Variants in TMEM132D observed in about 807,000 individuals in gnomAD.
The protein encoded by TMEM132D is mature OL transmembrane protein.
TMEM132D carries 21 observed loss-of-function variants against 62.3 expected under a neutral mutation model. That is an observed-to-expected ratio of 0.34 (90% CI 0.24 to 0.49). TMEM132D has a LOEUF of 0.49. TMEM132D is among the 20% of genes least tolerant of loss of function. The probability of loss-of-function intolerance (pLI) is 0.99; values close to 1 mark genes in which losing one functional copy is unlikely to be tolerated. For missense variants in TMEM132D, 1,346 were observed against 1,402.8 expected (o/e 0.96, Z 0.65); for synonymous variants, 621 against 575.6 (o/e 1.08, Z -1.13).
At chr12:129,611,121 CCTT>C (rs1458792303) in intron 2 of TMEM132D, among the ~76,000 whole-genome samples, 1 of 152,122 alleles carries the variant, frequency 6.6e-6, no homozygotes, top group East Asian at 1.9e-4. Context: ...CTTTTTCTTC[CCTT>C]CTTTATTTTT....
intron 3 of TMEM132D, among the ~76,000 whole-genome samples, chr12:129,431,105 C>T (rs920762779): frequency 5.3e-5 from 8 of 152,324 alleles, no homozygotes; most frequent in Middle Eastern, 3.4e-3. Context: ...GCGGCTGCTA[C>T]GCATTGTTAT....
At chr12:129,099,824 T>A (rs10459116) in intron 5 of TMEM132D, among the ~76,000 whole-genome samples, 8 of 142,240 alleles carry the variant, frequency 5.6e-5, no homozygotes, top group South Asian at 4.2e-4. Context: ...TTATTTTTTT[T>A]ATTTTTATTT....
At chr12:129,213,801 C>T (rs1006828504) in intron 4 of TMEM132D, among the ~76,000 whole-genome samples, 2 of 152,148 alleles carry the variant, frequency 1.3e-5, no homozygotes, top group African/African-American at 4.8e-5. Context: ...CTCCCATGAC[C>T]CAAATACCTC....
chr12:129,318,872 T>C (rs1269332522), intron 4 of TMEM132D, among the ~76,000 whole-genome samples: 1 of 152,104 alleles, frequency 6.6e-6, no homozygotes, highest in Non-Finnish European at 1.5e-5. Context: ...TGGCTGCCTC[T>C]GCTGAGTCAC....
chr12:129,186,173 T>C (rs2135553609), intron 5 of TMEM132D, among the ~76,000 whole-genome samples: 1 of 152,286 alleles, frequency 6.6e-6, no homozygotes. Flanking sequence ...TCTCATCTAT[T>C]GACAGTGCAG....
chr12:129,648,858 T>TA (rs558907242), intron 2 of TMEM132D, among the ~76,000 whole-genome samples: 7 of 152,056 alleles, frequency 4.6e-5, no homozygotes, highest in Non-Finnish European at 8.8e-5. Flanking sequence ...TTTTCCTTTA[T>TA]AAAAAAATAT....
intron 4 of TMEM132D, among the ~76,000 whole-genome samples, chr12:129,226,427 G>T (rs866924644): frequency 1.3e-5 from 2 of 152,190 alleles, no homozygotes; most frequent in South Asian, 2.1e-4. Flanking sequence ...GGACAGGAAG[G>T]TTCTCATACC....
chr12:129,148,683 G>A (rs1876983316), intron 5 of TMEM132D, among the ~76,000 whole-genome samples: 2 of 152,166 alleles, frequency 1.3e-5, no homozygotes, highest in South Asian at 2.1e-4. Flanking sequence ...GCCTGTGTGT[G>A]GTTATTTGTT....
intron 4 of TMEM132D, among the ~76,000 whole-genome samples, chr12:129,294,806 A>G (rs563755479): frequency 8.4e-4 from 128 of 152,280 alleles, no homozygotes; most frequent in African/African-American, 2.9e-3. Flanking sequence ...TAGTTACCAA[A>G]TGATAATGTA....
intron 3 of TMEM132D, among the ~76,000 whole-genome samples, chr12:129,368,377 C>T (rs894930835): frequency 2.0e-5 from 3 of 152,102 alleles, no homozygotes; most frequent in African/African-American, 7.2e-5. Flanking sequence ...ATTCTCCATC[C>T]TTGTTTGAGC....
intron 3 of TMEM132D, among the ~76,000 whole-genome samples, chr12:129,414,409 A>G (rs1872056103): frequency 6.6e-6 from 1 of 152,214 alleles, no homozygotes; most frequent in Non-Finnish European, 1.5e-5. Flanking sequence ...CTTTGCAACT[A>G]GAAGGTCTTG....
At chr12:129,459,686 G>T (rs1248440015) in intron 3 of TMEM132D, among the ~76,000 whole-genome samples, 1 of 152,156 alleles carries the variant, frequency 6.6e-6, no homozygotes, top group Non-Finnish European at 1.5e-5. Flanking sequence ...AAGGATTCAT[G>T]AAATCATGGG....
At chr12:129,144,362 A>G (rs1876830924) in intron 5 of TMEM132D, among the ~76,000 whole-genome samples, 1 of 152,096 alleles carries the variant, frequency 6.6e-6, no homozygotes, top group African/African-American at 2.4e-5. Context: ...ATGATTTCTA[A>G]CTTGCTTTGG....
intron 2 of TMEM132D, among the ~76,000 whole-genome samples, chr12:129,667,314 C>A (rs1478998470): frequency 6.6e-6 from 1 of 152,092 alleles, no homozygotes; most frequent in East Asian, 1.9e-4. Context: ...TTGGTTTTCT[C>A]TTTTGAAGAC....
At chr12:129,188,762 G>GGAGAGAGA (rs569138938) in intron 5 of TMEM132D, among the ~76,000 whole-genome samples, 30 of 126,318 alleles carry the variant, frequency 2.4e-4, no homozygotes, top group African/African-American at 7.9e-4. Flanking sequence ...AGGGAGAGAG[G>GGAGAGAGA]GAGAGAGAGA....
rs537281217 is a variant in TMEM132D, at chr12:129,441,746, C to T, written c.1115+89313G>A. 1.7e-3 allele frequency among the ~76,000 whole-genome samples: 266 copies of T among 152,162 alleles called. 1 individual carries two copies. The highest frequency in any genetic ancestry group is 5.0e-3 in the African/African-American group (207 of 41,508). On this transcript the variant is annotated intron_variant, in intron 3 of 8. Coordinates refer to ENST00000422113, the MANE Select transcript of TMEM132D (RefSeq NM_133448.3). Reference sequence around the variant, plus strand: ...CTACGGAACCGACCCAGGTACCCAGCAACAGTGGAGTAAATAAAGAAAATG... The same window carrying T: ...CTACGGAACCGACCCAGGTACCCAGTAACAGTGGAGTAAATAAAGAAAATG...
chr12:129,814,845 T>G (rs1565995406), intron 1 of TMEM132D, among the ~76,000 whole-genome samples: 1 of 152,092 alleles, frequency 6.6e-6, no homozygotes, highest in Non-Finnish European at 1.5e-5. Flanking sequence ...GCCTTTCTCC[T>G]GCTATCCATT....
chr12:129,467,872 G>A lies in TMEM132D; in HGVS notation c.1115+63187C>T, dbSNP rs191240391. Among the ~76,000 whole-genome samples, 151 of 152,272 alleles carry A rather than the reference G, an allele frequency of 9.9e-4. 2 individuals carry two copies. Among genetic ancestry groups the A allele is most frequent in the African/African-American group, 3.4e-3 (141 of 41,556 alleles). Reference sequence around the variant, plus strand: ...GGAAGGCCACTGAAGCTTTTCACTCGGAAGGAGGCAAGCCCAGAACCGCGC... The same window carrying A: ...GGAAGGCCACTGAAGCTTTTCACTCAGAAGGAGGCAAGCCCAGAACCGCGC... On this transcript the variant is annotated intron_variant, in intron 3 of 8. Transcript: ENST00000422113.
chr12:129,829,699 T>C (rs956749207), intron 1 of TMEM132D, among the ~76,000 whole-genome samples: 2 of 152,134 alleles, frequency 1.3e-5, no homozygotes, highest in African/African-American at 4.8e-5. Flanking sequence ...GCTGGAAAGC[T>C]TCACTGCAGA....
Sources: allele counts gnomAD v4.1 joint callset (sites outside exome capture counted in the v4.1 genomes callset), GRCh38; gene constraint gnomAD v4.1.1; transcripts MANE v1.5; gene names NCBI Gene and HGNC (gene_info 2026-07-23, HGNC 2026-07-21).